The following HGS variants were observed in gnomAD, a reference collection of about 807,000 sequenced individuals.
HGS encodes human growth factor-regulated tyrosine kinase substrate.
Under a neutral mutation model 109.7 loss-of-function variants are expected in HGS, and 63 were observed. That is an observed-to-expected ratio of 0.57 (90% CI 0.47 to 0.71). The LOEUF (loss-of-function observed/expected upper bound fraction) is 0.71, where lower values mean the gene tolerates loss of function less well. HGS is among the 30% of genes least tolerant of loss of function. The pLI, the probability that HGS is intolerant of heterozygous loss-of-function variation, is 0.00. For synonymous variants in HGS, 546 were observed against 437.3 expected (o/e 1.25, Z -3.10); for missense variants, 995 against 1,068.3 (o/e 0.93, Z 0.96).
At chr17:81,696,297 C>T in intron 15 of HGS, 60 bp from the exon 16 acceptor site, 3 of 1,469,606 alleles carry the variant, frequency 2.0e-6, no homozygotes, top group African/African-American at 1.4e-5. Flanking sequence ...GTCCGTTCCA[C>T]CCAGGAGCTT....
chr17:81,693,636 C>A lies in HGS; in HGVS notation c.742-18C>A. ...CTCTTCCCCGGCGCCCCCCCTCACCCTCCCCGCTTGTCCTCAGCTGCCCCC... is the reference window on the plus strand; with the variant it reads ...CTCTTCCCCGGCGCCCCCCCTCACCATCCCCGCTTGTCCTCAGCTGCCCCC... On this transcript the variant is annotated intron_variant, in intron 9 of 21. Transcript: ENST00000329138. 6.5e-7 allele frequency: 1 copy of A among 1,548,690 alleles called. No homozygotes were observed. The highest frequency in any genetic ancestry group is 8.8e-7 in the Non-Finnish European group (1 of 1,142,440).
chr17:81,694,216 G>A (rs2037110320), intron 11 of HGS, among the ~76,000 whole-genome samples: 1 of 152,196 alleles, frequency 6.6e-6, no homozygotes, highest in Non-Finnish European at 1.5e-5. Flanking sequence ...GCGCCTTGCT[G>A]GTGAGACCCC....
intron 18 of HGS, among the ~76,000 whole-genome samples, chr17:81,698,659 G>C (rs1451243411): frequency 1.3e-5 from 2 of 152,210 alleles, no homozygotes; most frequent in African/African-American, 2.4e-5. Context: ...TTCTGGGTGT[G>C]CTCACAGCTC....
intron 5 of HGS, among the ~76,000 whole-genome samples, chr17:81,689,831 A>G (rs947821951): frequency 6.6e-6 from 1 of 152,174 alleles, no homozygotes; most frequent in African/African-American, 2.4e-5. Context: ...TGTGTCAAGA[A>G]TAGCTCAAGG....
chr17:81,696,427 C>T lies in HGS; in HGVS notation c.1464C>T (p.Arg488=), dbSNP rs375618439. Reference sequence around the variant, plus strand: ...CCCGGGGGGCGCTGAGTGCCCTGCGCGAAGAGCACCGGGAGAAGCTTCGCC... The same window carrying T: ...CCCGGGGGGCGCTGAGTGCCCTGCGTGAAGAGCACCGGGAGAAGCTTCGCC... The part of the protein sequence containing the change: ...RDARGALSAL[R]EEHREKLRRA... Residue 488 remains arginine, a synonymous_variant, in exon 16 of 22, where the codon CGC becomes CGT. Coordinates refer to ENST00000329138, the MANE Select transcript of HGS (RefSeq NM_004712.5). The T allele has an allele frequency of 2.2e-5, 34 of 1,569,052 alleles. No individual in the cohort carries two copies. The highest frequency in any genetic ancestry group is 5.4e-5 in the African/African-American group (4 of 74,042).
Position 81,701,904 on chromosome 17 carries a change from G to A in HGS, c.*286G>A. 1 of 317,718 alleles carries A rather than the reference G, an allele frequency of 3.1e-6. No individual in the cohort carries two copies. The highest frequency in any genetic ancestry group is 5.7e-6 in the Non-Finnish European group (1 of 174,814). 19.7% of individuals were successfully genotyped at this position (317,718 alleles called of 1,614,324 possible). A position where few individuals can be genotyped will look rare whatever the true frequency, so the allele number is the denominator to read the frequency against. Reference sequence around the variant, plus strand: ...GGTCATGGTCTGTGAGAGGTGGCAGGAATGGGGACCCTCACCCCCCAAGCA... The same window carrying A: ...GGTCATGGTCTGTGAGAGGTGGCAGAAATGGGGACCCTCACCCCCCAAGCA... On this transcript the variant is annotated 3_prime_UTR_variant, in exon 22 of 22. Coordinates refer to ENST00000329138, the MANE Select transcript of HGS (RefSeq NM_004712.5).
At chr17:81,697,055 G>A (rs1032952587) in intron 18 of HGS, 57 bp downstream of exon 18, 11 of 1,475,520 alleles carry the variant, frequency 7.5e-6, no homozygotes, top group Middle Eastern at 1.8e-4. Flanking sequence ...TATTTTAGCC[G>A]AATTTACAGA....
At chr17:81,688,937 G>A (rs913945898) in intron 5 of HGS, 110 bp downstream of exon 5, 125 of 1,438,208 alleles carry the variant, frequency 8.7e-5, no homozygotes, top group Non-Finnish European at 1.1e-4. Context: ...TCCCTGTGTT[G>A]GGAGGGAGGA....
intron 18 of HGS, chr17:81,697,736 C>T (rs577248520): frequency 3.3e-4 from 51 of 152,348 alleles, no homozygotes; most frequent in African/African-American, 1.0e-3. Flanking sequence ...TCTAATTCTG[C>T]TGTTGTCTTT....
At position 81,701,580 on chromosome 17, in the gene HGS, G is replaced by A. The variant is rs866669676; in HGVS notation, c.2296G>A (p.Ala766Thr). ...GCAACCGCAGGCACAGGGGCCGCCG[G>A]CACAGGGCAGCGAGGCCCAGCTCAT... ...AQQPQAQGPP[A>T]QGSEAQLISF... is the part of the protein sequence containing the mutation. Residue 766 changes from alanine to threonine, a missense_variant, in exon 22 of 22, where the codon GCA becomes ACA. Coordinates refer to ENST00000329138, the MANE Select transcript of HGS (RefSeq NM_004712.5). 1.3e-6 allele frequency: 2 copies of A among 1,570,040 alleles called. No homozygotes were observed. The highest frequency in any genetic ancestry group is 1.3e-5 in the African/African-American group (1 of 74,170).
rs754096232 is a variant in HGS at position 81,695,043 on chromosome 17, C to T, written c.1095C>T (p.His365=). ...CGGCTGCACAGCCTGGGGAAGGGCACGCAGCCCCCACCAACGTGGTGGAGG... is the reference window on the plus strand; with the variant it reads ...CGGCTGCACAGCCTGGGGAAGGGCATGCAGCCCCCACCAACGTGGTGGAGG... ...TEPAAQPGEG[H]AAPTNVVENP... is the part of the protein sequence containing the mutation. The change falls in exon 13 of 22, where the codon CAC becomes CAT. Residue 365 remains histidine, a synonymous_variant. Coordinates refer to ENST00000329138, the MANE Select transcript of HGS (RefSeq NM_004712.5). 101 of 1,613,504 alleles carry T rather than the reference C, an allele frequency of 6.3e-5. No homozygotes were observed. In the East Asian group the frequency reaches 1.4e-3, roughly 22 times the overall value.
intron 11 of HGS, 85 bp from the exon 12 acceptor site, chr17:81,694,730 G>T: frequency 6.4e-7 from 1 of 1,551,518 alleles, no homozygotes; most frequent in Admixed American, 1.7e-5. Context: ...TGGTCTCCAG[G>T]ATCTGTCGCA....
chr17:81,688,903 G>C (rs550585717), intron 5 of HGS, 76 bp downstream of exon 5: 8 of 1,580,024 alleles, frequency 5.1e-6, no homozygotes, highest in Non-Finnish European at 6.9e-6. Context: ...GCACAGTGGC[G>C]AGGGGCCTGG....
At position 81,696,945 on chromosome 17, in the gene HGS, G is replaced by C; in HGVS notation, c.1829G>C (p.Ser610Thr). The stretch of plus-strand genomic sequence containing the variant: ...TCCCCAATGCACGGCGTGTACATGA[G>C]CCAGCCGGCCCCTGCCGCTGGCCCC... Reference protein sequence around the residue: ...EGSPMHGVYMSQPAPAAGPYP... With the variant: ...EGSPMHGVYMTQPAPAAGPYP... Residue 610 changes from serine (S) to threonine (T), a missense_variant, in exon 18 of 22, where the codon AGC becomes ACC. Physicochemically the swap from Ser to Thr is moderately conservative, Grantham distance 58. This residue lies in a region of HGS where 326 missense variants were observed against 309.7 expected (regional missense o/e 1.05). Coordinates refer to ENST00000329138, the MANE Select transcript of HGS (RefSeq NM_004712.5). 1 of 1,604,750 alleles carries C rather than the reference G, an allele frequency of 6.2e-7. No individual in the cohort carries two copies. Among genetic ancestry groups the C allele is most frequent in the Non-Finnish European group, 8.5e-7 (1 of 1,178,992 alleles).
At chr17:81,701,440 G>A in intron 21 of HGS, 68 bp from the exon 22 acceptor site, 1 of 1,477,888 alleles carries the variant, frequency 6.8e-7, no homozygotes, top group East Asian at 2.5e-5. Flanking sequence ...GCTCTGCTGG[G>A]ACAAAAGCCT....
intron 1 of HGS, 75 bp downstream of exon 1, chr17:81,684,178 C>A: frequency 1.6e-6 from 2 of 1,266,702 alleles, no homozygotes; most frequent in Non-Finnish European, 2.1e-6. Flanking sequence ...AGCGCGGCCC[C>A]GAGGGCCCGA....
chr17:81,700,749 T>G lies in HGS; in HGVS notation c.2071T>G (p.Ser691Ala). The change falls in exon 20 of 22, where the codon TCC becomes GCC. Residue 691 changes from serine (S) to alanine (A), a missense_variant. Transcript: ENST00000329138. ...SLPAISQPPQ[S>A]STMGYMGSQS... ...CCCGGCCATCTCTCAGCCTCCGCAG[T>G]CCAGCACCATGGGCTACATGGGGAG... is the stretch of plus-strand genomic sequence containing the variant. 1 of 1,612,568 alleles carries G rather than the reference T, an allele frequency of 6.2e-7. No individual in the cohort carries two copies. Among genetic ancestry groups the G allele is most frequent in the Non-Finnish European group, 8.5e-7 (1 of 1,179,884 alleles).
At chr17:81,690,136 G>T (rs1156895333) in intron 5 of HGS, 46 bp from the exon 6 acceptor site, 2 of 1,593,118 alleles carry the variant, frequency 1.3e-6, no homozygotes, top group Non-Finnish European at 1.7e-6. Flanking sequence ...CGGAAGTCTT[G>T]CAGGCCAGGT....
At position 81,687,017 on chromosome 17, in the gene HGS, G is replaced by C. The variant is rs1358235766; in HGVS notation, c.213G>C (p.Val71=). 2 of 1,613,134 alleles carry C rather than the reference G, an allele frequency of 1.2e-6. No homozygotes were observed. The highest frequency in any genetic ancestry group is 1.7e-6 in the Non-Finnish European group (2 of 1,179,816). The change falls in exon 4 of 22, where the codon GTG becomes GTC. Residue 71 remains valine (V), a synonymous_variant. Transcript: ENST00000329138. ...ALYALEVMES[V]VKNCGQTVHD... The stretch of plus-strand genomic sequence containing the variant: ...GGCATCTGCAGGTCATGGAATCTGT[G>C]GTAAAGAACTGTGGCCAGACAGTTC...
Sources: gnomAD v4.1 joint callset for allele counts (sites outside exome capture counted in the v4.1 genomes callset) on GRCh38, gnomAD v4.1.1 for gene constraint, gnomAD v4.1.1 regional missense constraint, MANE v1.5 for transcripts, NCBI Gene and HGNC (gene_info 2026-07-23, HGNC 2026-07-21) for gene names.